C11orf71: variants seen among roughly 807,000 people sequenced by gnomAD.
C11orf71 encodes the protein chromosome 11 open reading frame 71, also known as uncharacterized protein C11orf71.
For synonymous variants in C11orf71, 72 were observed against 73.4 expected, an observed-to-expected ratio of 0.98 and a Z score of 0.09; for missense variants, 179 against 167.6, an observed-to-expected ratio of 1.07 and a Z score of -0.38.
chr11:114,394,124 C>A (rs530846490), downstream of C11orf71, among the ~76,000 whole-genome samples: 1 of 151,766 alleles, frequency 6.6e-6, no homozygotes, highest in African/African-American at 2.4e-5. Context: ...GGACTACAGG[C>A]GCCCATCACC....
chr11:114,394,180 T>TTTCTC (rs1946095880), downstream of C11orf71, among the ~76,000 whole-genome samples: 1 of 40,774 alleles, frequency 2.5e-5, no homozygotes, highest in Non-Finnish European at 4.7e-5. Flanking sequence ...CGGGGTTTCG[T>TTTCTC]TTCTTTTCTT....
downstream of C11orf71, among the ~76,000 whole-genome samples, chr11:114,395,303 G>C (rs1293954141): frequency 1.3e-5 from 2 of 152,136 alleles, no homozygotes; most frequent in Non-Finnish European, 2.9e-5. Flanking sequence ...TGTGTTCTTT[G>C]AATGTAAGGA....
chr11:114,395,915 TAGAA>T (rs1263444018), downstream of C11orf71, among the ~76,000 whole-genome samples: 6 of 152,342 alleles, frequency 3.9e-5, no homozygotes, highest in African/African-American at 4.8e-5. Context: ...ATTGTTTGTT[TAGAA>T]AGAGTCTCCC....
Position 114,400,081 on chromosome 11 carries a change from C to T in C11orf71, c.251G>A (p.Ser84Asn). The T allele has an allele frequency of 6.2e-7, 1 of 1,613,910 alleles. No individual in the cohort carries two copies. Among genetic ancestry groups the T allele is most frequent in the Non-Finnish European group, 8.5e-7 (1 of 1,179,900 alleles). ...SPREPDGRGR[S>N]RQARFSPYPI... ...GTAAGGTGAGAATCTGGCTTGGCGG[C>T]TCCGGCCCCGGCCATCTGGTTCCCT... Residue 84 changes from serine (S) to asparagine (N), a missense_variant, in exon 1 of 1, where the codon AGC (serine) becomes AAC (asparagine). By Grantham distance (46) the Ser-to-Asn change is conservative (BLOSUM62 1). Coordinates refer to ENST00000623205, the MANE Select transcript of C11orf71 (RefSeq NM_001271562.2).
intron 1 of C11orf71, among the ~76,000 whole-genome samples, chr11:114,392,223 C>T (rs199712383): frequency 2.6e-5 from 4 of 151,870 alleles, no homozygotes; most frequent in East Asian, 1.9e-4. Flanking sequence ...GGAAACATGG[C>T]GAAACCCCAT....
downstream of C11orf71, among the ~76,000 whole-genome samples, chr11:114,395,847 G>C (rs897161825): frequency 6.6e-6 from 1 of 152,188 alleles, no homozygotes; most frequent in Non-Finnish European, 1.5e-5. Context: ...AGTCAAGATA[G>C]GGTTGAACCT....
intron 1 of C11orf71, among the ~76,000 whole-genome samples, chr11:114,392,482 G>A (rs1381035570): frequency 4.4e-5 from 6 of 137,042 alleles, no homozygotes; most frequent in African/African-American, 1.4e-4. Context: ...AGGTTGCAGG[G>A]AGCTGAGATC....
chr11:114,400,303 G>A lies in C11orf71; in HGVS notation c.29C>T (p.Ser10Phe). 6.2e-7 allele frequency: 1 copy of A among 1,609,604 alleles called. No individual in the cohort carries two copies. Among genetic ancestry groups the A allele is most frequent in the Non-Finnish European group, 8.5e-7 (1 of 1,178,072 alleles). Residue 10 changes from serine to phenylalanine, a missense_variant, in exon 1 of 1, where the codon TCC (serine) becomes TTC (phenylalanine). Physicochemically the swap from Ser to Phe is radical, Grantham distance 155. Transcript: ENST00000623205. MALNNVSLS[S>F]GDQRSRVAYR... ...GGCCACCCTGCTCCTCTGATCACCG[G>A]AGGACAGGGACACATTGTTCAGGGC...
Position 114,400,355 on chromosome 11 carries a change from T to C in C11orf71, c.-24A>G, listed in dbSNP as rs570461368. 2 of 1,578,750 alleles carry C rather than the reference T, an allele frequency of 1.3e-6. No homozygotes were observed. Among genetic ancestry groups the C allele is most frequent in the African/African-American group, 1.3e-5 (1 of 74,320 alleles). ...ATATTCAAACACTGCCCGCAGTACT[T>C]GCGTTACGTCCCTTTGTGAAGGCAG... On this transcript the variant is annotated 5_prime_UTR_variant, in exon 1 of 1. Transcript: ENST00000623205.
chr11:114,399,882 C>G lies in C11orf71; in HGVS notation c.*78G>C, dbSNP rs3741302. ...ACATCCATCTAAAAATAAAACAACACGATTGCTGCTACACCAAGAAAGGAT... is the reference window on the plus strand; with the variant it reads ...ACATCCATCTAAAAATAAAACAACAGGATTGCTGCTACACCAAGAAAGGAT... On this transcript the variant is annotated 3_prime_UTR_variant, in exon 1 of 1. Transcript: ENST00000623205. 1.4e-6 allele frequency: 2 copies of G among 1,472,216 alleles called. No individual in the cohort carries two copies. Among genetic ancestry groups the G allele is most frequent in the Admixed American group, 2.6e-5 (1 of 38,912 alleles). The allele number at this position is 1,472,216 out of a possible 1,614,324, so 91.2% of individuals were successfully genotyped here.
chr11:114,394,214 T>TTTCCTTTCCTTTCC (rs1946100042), downstream of C11orf71, among the ~76,000 whole-genome samples: 2 of 57,044 alleles, frequency 3.5e-5, no homozygotes, highest in South Asian at 5.1e-4. Context: ...TTTTCTTTTC[T>TTTCCTTTCCTTTCC]TTTCTTTTCT....
In C11orf71 at chr11:114,399,440, T is replaced by C. The variant is rs934881778; in HGVS notation, c.*520A>G. 2 of 152,440 alleles carry C rather than the reference T, an allele frequency of 1.3e-5. No homozygotes were observed. The highest frequency in any genetic ancestry group is 2.9e-5 in the Non-Finnish European group (2 of 68,212). The allele number at this position is 152,440 out of a possible 1,614,324, so 9.4% of individuals were successfully genotyped here. A position where few individuals can be genotyped will look rare whatever the true frequency, so the allele number is the denominator to read the frequency against. ...TTGGAACCTTTGCCAAAGAAAGGAATAATAAATTGATTTAATAATTTGAAA... is the reference window on the plus strand; with the variant it reads ...TTGGAACCTTTGCCAAAGAAAGGAACAATAAATTGATTTAATAATTTGAAA... On this transcript the variant is annotated 3_prime_UTR_variant, in exon 1 of 1. Transcript: ENST00000623205.
downstream of C11orf71, among the ~76,000 whole-genome samples, chr11:114,394,442 C>G (rs2135340276): frequency 6.6e-6 from 1 of 151,900 alleles, no homozygotes; most frequent in East Asian, 1.9e-4. Flanking sequence ...TTACAGGCAC[C>G]TGCCACCACG....
At chr11:114,392,778 G>GAA (rs765327976) in intron 1 of C11orf71, among the ~76,000 whole-genome samples, 9 of 141,598 alleles carry the variant, frequency 6.4e-5, no homozygotes, top group Non-Finnish European at 1.1e-4. Context: ...TCTTTTTCAG[G>GAA]AAAAAAAAAA....
At chr11:114,392,636 T>G (rs1946082247) in intron 1 of C11orf71, among the ~76,000 whole-genome samples, 1 of 147,548 alleles carries the variant, frequency 6.8e-6, no homozygotes. Context: ...GAGGCTGAGG[T>G]GGCAGAATTG....
intron 1 of C11orf71, among the ~76,000 whole-genome samples, chr11:114,392,547 A>AAAAAAAAAAAAG (rs1555023952): frequency 6.9e-6 from 1 of 145,112 alleles, no homozygotes. Flanking sequence ...AAAAAAAAAA[A>AAAAAAAAAAAAG]AAAGAAGAAG....
downstream of C11orf71, among the ~76,000 whole-genome samples, chr11:114,397,131 T>C (rs1395610709): frequency 6.6e-6 from 1 of 152,166 alleles, no homozygotes; most frequent in African/African-American, 2.4e-5. Context: ...AGTTGCTTAG[T>C]ATGATATAAG....
At position 114,398,911 on chromosome 11, in the gene C11orf71, G is replaced by A. The variant is rs1946150502; in HGVS notation, c.*1049C>T. The A allele has an allele frequency of 6.6e-6, 1 of 151,990 alleles. No homozygotes were observed. Among genetic ancestry groups the A allele is most frequent in the African/African-American group, 2.4e-5 (1 of 41,380 alleles). The allele number at this position is 151,990 out of a possible 1,614,324, so 9.4% of individuals were successfully genotyped here. On this transcript the variant is annotated 3_prime_UTR_variant, in exon 1 of 1. Transcript: ENST00000623205. Reference sequence around the variant, plus strand: ...AGTCTACCTGCTTATATAAAGAGCTGGCACTTACAAAACCCATTAACTTTC... The same window carrying A: ...AGTCTACCTGCTTATATAAAGAGCTAGCACTTACAAAACCCATTAACTTTC...
chr11:114,392,073 G>A (rs1286443199), intron 1 of C11orf71, among the ~76,000 whole-genome samples: 1 of 152,076 alleles, frequency 6.6e-6, no homozygotes, highest in Non-Finnish European at 1.5e-5. Context: ...AAGTATACAG[G>A]TATTGGTTGC....
Sources: gnomAD v4.1 joint callset for allele counts (sites outside exome capture counted in the v4.1 genomes callset) on GRCh38, gnomAD v4.1.1 for gene constraint, MANE v1.5 for transcripts, NCBI Gene and HGNC (gene_info 2026-07-23, HGNC 2026-07-21) for gene names.